The following ANK3 variants were observed in gnomAD, a reference collection of about 807,000 sequenced individuals.
ANK3 encodes the protein ankyrin-3.
ANK3 carries 57 observed loss-of-function variants against 370.9 expected under a neutral mutation model. The observed-to-expected ratio is 0.15, with a 90% CI of 0.12 to 0.19. ANK3 has a LOEUF of 0.19. ANK3 is among the 10% of genes least tolerant of loss of function. The probability of loss-of-function intolerance (pLI) is 1.00; values close to 1 mark genes in which losing one functional copy is unlikely to be tolerated. For synonymous variants in ANK3, 1,929 were observed against 1,946.3 expected (o/e 0.99, Z 0.23); for missense variants, 4,439 against 5,302.1 (o/e 0.84, Z 5.06).
chr10:60,597,895 A>G (rs2078010141), intron 2 of ANK3, among the ~76,000 whole-genome samples: 1 of 152,184 alleles, frequency 6.6e-6, no homozygotes, highest in Non-Finnish European at 1.5e-5. Context: ...TTGTTTTCAT[A>G]ATTTTAAAGT....
intron 1 of ANK3, among the ~76,000 whole-genome samples, chr10:60,686,095 C>T (rs2079264079): frequency 6.6e-6 from 1 of 151,752 alleles, no homozygotes; most frequent in African/African-American, 2.4e-5. Flanking sequence ...TTCAGAAGAA[C>T]AAGAATAGGT....
chr10:60,128,130 TA>T (rs1391527746), intron 25 of ANK3, among the ~76,000 whole-genome samples: 2 of 152,190 alleles, frequency 1.3e-5, no homozygotes, highest in Non-Finnish European at 2.9e-5. Context: ...TCTTTCATGC[TA>T]AAAAATACAT....
At chr10:60,721,573 AC>A (rs2079864039) in intron 1 of ANK3, among the ~76,000 whole-genome samples, 1 of 152,198 alleles carries the variant, frequency 6.6e-6, no homozygotes, top group South Asian at 2.1e-4. Context: ...TACATATAAA[AC>A]AAAGATTGGA....
At position 60,329,533 on chromosome 10, in the gene ANK3, A is replaced by T. The variant is rs540333503; in HGVS notation, c.115-49894T>A. ...AATCATGAGTGAACTCCCATTCACA[A>T]TTGGTACAAAGAGATTAAAATACCT... is the stretch of plus-strand genomic sequence containing the variant. On this transcript the variant is annotated intron_variant, in intron 1 of 43. Coordinates refer to ENST00000280772, the MANE Select transcript of ANK3 (RefSeq NM_020987.5). Among the ~76,000 whole-genome samples, 269 of 152,324 alleles carry T rather than the reference A, an allele frequency of 1.8e-3. 1 individual carries two copies. Among genetic ancestry groups the T allele is most frequent in the African/African-American group, 5.9e-3 (246 of 41,580 alleles).
At chr10:60,201,549 T>C (rs549767581) in intron 12 of ANK3, among the ~76,000 whole-genome samples, 2 of 152,304 alleles carry the variant, frequency 1.3e-5, no homozygotes, top group Non-Finnish European at 2.9e-5. Context: ...ACCACTCTGA[T>C]AGCTACTCTG....
chr10:60,422,533 C>T (rs1055414161), intron 2 of ANK3, among the ~76,000 whole-genome samples: 2 of 152,036 alleles, frequency 1.3e-5, no homozygotes, highest in Admixed American at 6.6e-5. Context: ...AAGTTCTTAT[C>T]TTTTGGATTT....
chr10:60,694,741 A>C (rs888234133), intron 1 of ANK3, among the ~76,000 whole-genome samples: 2 of 152,130 alleles, frequency 1.3e-5, no homozygotes, highest in African/African-American at 4.8e-5. Flanking sequence ...AGAGCTCCCG[A>C]AGGAAGCGCT....
chr10:60,517,298 G>A (rs1185197122), intron 2 of ANK3, among the ~76,000 whole-genome samples: 1 of 152,052 alleles, frequency 6.6e-6, no homozygotes, highest in Non-Finnish European at 1.5e-5. Flanking sequence ...CATGACCTCA[G>A]GTGATACATG....
chr10:60,351,165 C>A (rs995865102), intron 1 of ANK3, among the ~76,000 whole-genome samples: 5 of 152,208 alleles, frequency 3.3e-5, no homozygotes, highest in Non-Finnish European at 7.4e-5. Flanking sequence ...TAGAAAAGAT[C>A]CATTTAGAGA....
At chr10:60,552,844 C>T (rs1256186342) in intron 2 of ANK3, among the ~76,000 whole-genome samples, 2 of 152,052 alleles carry the variant, frequency 1.3e-5, no homozygotes, top group African/African-American at 4.8e-5. Context: ...GGGGGTGGGT[C>T]TTTGCCGTGC....
At chr10:60,274,418 C>T (rs1056861048) in intron 4 of ANK3, among the ~76,000 whole-genome samples, 6 of 152,198 alleles carry the variant, frequency 3.9e-5, no homozygotes, top group African/African-American at 9.6e-5. Flanking sequence ...CCCACACACC[C>T]ATTTCCCCTT....
Position 60,261,852 on chromosome 10 carries a change from C to T in ANK3, c.798+7G>A. On this transcript the variant is annotated splice_region_variant and intron_variant, in intron 7 of 43. Transcript: ENST00000280772. Reference sequence around the variant, plus strand: ...TTTAAAGGTATTACACATTGCTGTGCTCTTACCCTTGCGGTGAAATCCACA... The same window carrying T: ...TTTAAAGGTATTACACATTGCTGTGTTCTTACCCTTGCGGTGAAATCCACA... 6.2e-7 allele frequency: 1 copy of T among 1,612,552 alleles called. No homozygotes were observed. Among genetic ancestry groups the T allele is most frequent in the Non-Finnish European group, 8.5e-7 (1 of 1,178,596 alleles).
chr10:60,171,444 C>G (rs79456910), intron 21 of ANK3, among the ~76,000 whole-genome samples: 6,145 of 152,232 alleles, frequency 0.04, 417 homozygotes, highest in African/African-American at 0.14. Context: ...CAGATGCTAA[C>G]CATTTTCTCC....
intron 1 of ANK3, among the ~76,000 whole-genome samples, chr10:60,314,558 C>G (rs1489087655): frequency 2.0e-5 from 3 of 152,148 alleles, no homozygotes; most frequent in African/African-American, 7.2e-5. Flanking sequence ...CATGACTCAT[C>G]TGGAAAGAGG....
chr10:60,197,809 A>T (rs761679089), intron 14 of ANK3, among the ~76,000 whole-genome samples: 1 of 152,232 alleles, frequency 6.6e-6, no homozygotes, highest in Non-Finnish European at 1.5e-5. Flanking sequence ...CATTCTGCAC[A>T]TGCAGAACAA....
chr10:60,395,602 T>TTC (rs1262867603), intron 2 of ANK3, among the ~76,000 whole-genome samples: 1 of 116,896 alleles, frequency 8.6e-6, no homozygotes, highest in African/African-American at 3.7e-5. Flanking sequence ...CTTTCTTTCT[T>TTC]TCTTTCTCTC....
chr10:60,081,008 A>G (rs1340312233), intron 35 of ANK3, among the ~76,000 whole-genome samples: 4 of 152,158 alleles, frequency 2.6e-5, no homozygotes. Flanking sequence ...GGGATTCTGT[A>G]TGTTAACAGG....
intron 2 of ANK3, among the ~76,000 whole-genome samples, chr10:60,521,644 A>T (rs1400177363): frequency 6.6e-6 from 1 of 152,126 alleles, no homozygotes; most frequent in Non-Finnish European, 1.5e-5. Flanking sequence ...CTGTGGAATT[A>T]AGCACCCTAG....
chr10:60,701,515 G>A (rs775652897), intron 1 of ANK3, among the ~76,000 whole-genome samples: 50 of 152,072 alleles, frequency 3.3e-4, no homozygotes, highest in Admixed American at 2.1e-3. Context: ...GGGAATAATC[G>A]AAATACTCAT....
Sources: gnomAD v4.1 joint callset for allele counts (sites outside exome capture counted in the v4.1 genomes callset) on GRCh38, gnomAD v4.1.1 for gene constraint, MANE v1.5 for transcripts, NCBI Gene and HGNC (gene_info 2026-07-23, HGNC 2026-07-21) for gene names.